SMIM23: variants seen among roughly 807,000 people sequenced by gnomAD.
SMIM23 encodes small integral membrane protein 23.
SMIM23 carries 10 observed loss-of-function variants against 12.8 expected under a neutral mutation model. The ratio of observed to expected loss-of-function variants is 0.78; its 90% CI spans 0.48 to 1.32. The LOEUF is 1.32. SMIM23 is among the 40% of genes most tolerant of loss of function. SMIM23 has a pLI of 0.00. For missense variants in SMIM23, 184 were observed against 198.2 expected (o/e 0.93, Z 0.43); for synonymous variants, 78 against 80.1 (o/e 0.97, Z 0.14).
upstream of SMIM23, among the ~76,000 whole-genome samples, chr5:171,785,305 T>C (rs1455480586): frequency 6.6e-6 from 1 of 152,194 alleles, no homozygotes; most frequent in Non-Finnish European, 1.5e-5. Flanking sequence ...GAAAAATTCA[T>C]AGAGGGTACA....
chr5:171,782,524 T>C (rs1360080083), upstream of SMIM23: 2 of 152,244 alleles, frequency 1.3e-5, no homozygotes, highest in Admixed American at 1.3e-4. Context: ...GGACTTACCC[T>C]GGGTCAGGCG....
upstream of SMIM23, among the ~76,000 whole-genome samples, chr5:171,779,790 C>T (rs543015401): frequency 2.0e-5 from 3 of 149,048 alleles, no homozygotes; most frequent in East Asian, 2.0e-4. Context: ...GGGAATGAAG[C>T]GAGGAAGGCA....
Position 171,791,102 on chromosome 5 carries a change from A to G in SMIM23, c.*14A>G, listed in dbSNP as rs1164440133. On this transcript the variant is annotated 3_prime_UTR_variant, in exon 4 of 4. Transcript: ENST00000523047. ...GCAGAGCTCTGACTCTTGAAGTTCCAGTCAGGCAAGAAAATAAAGTAGTTG... is the reference window on the plus strand; with the variant it reads ...GCAGAGCTCTGACTCTTGAAGTTCCGGTCAGGCAAGAAAATAAAGTAGTTG... The G allele has an allele frequency of 8.9e-6, 13 of 1,460,940 alleles. No individual in the cohort carries two copies. Among genetic ancestry groups the G allele is most frequent in the Non-Finnish European group, 1.1e-5 (12 of 1,113,878 alleles). 90.5% of individuals were successfully genotyped at this position (1,460,940 alleles called of 1,614,324 possible).
chr5:171,783,631 G>T (rs879612006), upstream of SMIM23, among the ~76,000 whole-genome samples: 1 of 152,138 alleles, frequency 6.6e-6, no homozygotes, highest in Non-Finnish European at 1.5e-5. Context: ...GAAAATCTTC[G>T]GAACCTAGGG....
upstream of SMIM23, among the ~76,000 whole-genome samples, chr5:171,779,471 T>C (rs1394018752): frequency 6.6e-6 from 1 of 152,156 alleles, no homozygotes; most frequent in East Asian, 1.9e-4. Flanking sequence ...TAGGACTGGG[T>C]TCTGGTTTCA....
chr5:171,776,479 G>A, the SMIM23 span, among the ~76,000 whole-genome samples: 27 of 152,098 alleles, frequency 1.8e-4, no homozygotes, highest in Admixed American at 8.5e-4. Context: ...CAAAAACCCC[G>A]CGTTCAACCA....
At chr5:171,790,458 A>C (rs1211518969) in intron 2 of SMIM23, 24 bp from the exon 3 acceptor site, 12 of 1,536,024 alleles carry the variant, frequency 7.8e-6, no homozygotes, top group Non-Finnish European at 9.6e-6. Context: ...TGCTCTTCAG[A>C]GGTGATGTTT....
the SMIM23 span, among the ~76,000 whole-genome samples, chr5:171,776,370 A>G: frequency 1.3e-5 from 2 of 151,986 alleles, no homozygotes; most frequent in Non-Finnish European, 2.9e-5. Flanking sequence ...CCACCCCTTC[A>G]CTTTCACGTA....
chr5:171,779,090 C>T (rs996451300), upstream of SMIM23, among the ~76,000 whole-genome samples: 11 of 152,162 alleles, frequency 7.2e-5, no homozygotes, highest in Non-Finnish European at 1.5e-4. Context: ...AGCAGACACA[C>T]AATAAGAGAG....
intron 3 of SMIM23, 105 bp from the exon 4 acceptor site, chr5:171,790,690 A>G: frequency 1.4e-6 from 2 of 1,385,420 alleles, no homozygotes; most frequent in Non-Finnish European, 2.0e-6. Flanking sequence ...GAGCACAATG[A>G]GTAGCATGTG....
At chr5:171,773,371 T>TTGAGGTCACTGAATCCCTTCCTC in the SMIM23 span, among the ~76,000 whole-genome samples, 100,039 of 149,006 alleles carry the variant, frequency 0.67, 34,901 homozygotes, top group African/African-American at 0.87. Flanking sequence ...TGCACGACCT[T>TTGAGGTCACTGAATCCCTTCCTC]TGAGGTCACT....
At chr5:171,774,966 G>A in the SMIM23 span, among the ~76,000 whole-genome samples, 7 of 152,272 alleles carry the variant, frequency 4.6e-5, no homozygotes, top group East Asian at 9.7e-4. Flanking sequence ...TGGGGAAAGG[G>A]ATGCCGGGCC....
intron 1 of SMIM23, among the ~76,000 whole-genome samples, chr5:171,787,497 G>A (rs904945620): frequency 2.0e-5 from 3 of 152,128 alleles, no homozygotes; most frequent in Non-Finnish European, 4.4e-5. Flanking sequence ...CAAGAATGCC[G>A]GGGAAGAAAT....
At chr5:171,785,216 T>A (rs1197598595), upstream of SMIM23, among the ~76,000 whole-genome samples, 1 of 152,088 alleles carries the variant, frequency 6.6e-6, no homozygotes, top group Non-Finnish European at 1.5e-5. Flanking sequence ...CTGCGTAAGA[T>A]TGGTAGAGTG....
upstream of SMIM23, among the ~76,000 whole-genome samples, chr5:171,782,053 C>A (rs571963952): frequency 2.6e-5 from 4 of 152,310 alleles, no homozygotes; most frequent in African/African-American, 4.8e-5. Context: ...TGCTTAGGTA[C>A]CTTTCTAGGT....
intron 1 of SMIM23, among the ~76,000 whole-genome samples, chr5:171,787,469 C>T (rs1755839882): frequency 6.6e-6 from 1 of 152,164 alleles, no homozygotes; most frequent in Non-Finnish European, 1.5e-5. Flanking sequence ...CCATGCAGCA[C>T]AGTATGGAAA....
upstream of SMIM23, among the ~76,000 whole-genome samples, chr5:171,778,832 T>C (rs1040750792): frequency 6.6e-6 from 1 of 152,200 alleles, no homozygotes; most frequent in Non-Finnish European, 1.5e-5. Context: ...AGGGTATACA[T>C]TTACCCCAGT....
At chr5:171,786,456 G>A (rs181491480) in intron 1 of SMIM23, among the ~76,000 whole-genome samples, 90 of 152,168 alleles carry the variant, frequency 5.9e-4, no homozygotes, top group African/African-American at 2.1e-3. Flanking sequence ...GTTCACAGAG[G>A]GTAATCTGAG....
chr5:171,774,089 A>C, the SMIM23 span: 1 of 358,210 alleles, frequency 2.8e-6, no homozygotes. Context: ...AATGGCATCT[A>C]TTCAGAAGGC....
Sources: gnomAD v4.1 joint callset for allele counts (sites outside exome capture counted in the v4.1 genomes callset) on GRCh38, gnomAD v4.1.1 for gene constraint, MANE v1.5 for transcripts, NCBI Gene and HGNC (gene_info 2026-07-23, HGNC 2026-07-21) for gene names.